The following ZHX3 variants were observed in gnomAD, a reference collection of about 807,000 sequenced individuals.
ZHX3 encodes the protein zinc fingers and homeoboxes 3.
A neutral mutation model predicts 64.5 loss-of-function variants in ZHX3; 20 were observed. The observed-to-expected ratio is 0.31, with a 90% CI of 0.22 to 0.45. The LOEUF (loss-of-function observed/expected upper bound fraction) is 0.45, where lower values mean the gene tolerates loss of function less well. Among genes scored for constraint, ZHX3 ranks in the 20% least tolerant of loss-of-function variants. The probability of loss-of-function intolerance (pLI) is 1.00; values close to 1 mark genes in which losing one functional copy is unlikely to be tolerated. For synonymous variants in ZHX3, 423 were observed against 461.6 expected (o/e 0.92, Z 1.07); for missense variants, 1,041 against 1,195.8 (o/e 0.87, Z 1.91).
intron 3 of ZHX3, among the ~76,000 whole-genome samples, chr20:41,192,634 C>A (rs1174946721): frequency 6.6e-6 from 1 of 152,212 alleles, no homozygotes; most frequent in African/African-American, 2.4e-5. Flanking sequence ...CTGCAGTAAC[C>A]CAGTCACTTA....
Position 41,185,056 on chromosome 20 carries a change from G to T in ZHX3, c.*135C>A. 5 of 1,552,946 alleles carry T rather than the reference G, an allele frequency of 3.2e-6. No individual in the cohort carries two copies. The highest frequency in any genetic ancestry group is 4.4e-6 in the Non-Finnish European group (5 of 1,147,500). ...CGGCAGGCTCTGGGCTGTCTGCGAG[G>T]ATTCTGGAAGCTCTCCCAGGTGCCC... On this transcript the variant is annotated 3_prime_UTR_variant, in exon 4 of 4. Coordinates refer to ENST00000683867, the MANE Select transcript of ZHX3 (RefSeq NM_001384317.1). The surrounding 1 kb of genome is among the most constrained non-coding windows in gnomAD (Gnocchi z 5.0).
Position 41,204,860 on chromosome 20 carries a change from C to T in ZHX3, c.57G>A (p.Val19=). Residue 19 remains valine (V), a synonymous_variant, in exon 3 of 4, where the codon GTG becomes GTA. Coordinates refer to ENST00000683867, the MANE Select transcript of ZHX3 (RefSeq NM_001384317.1). The surrounding 1 kb of genome is among the most constrained non-coding windows in gnomAD (Gnocchi z 6.6). ...GGGCCTCCATGCTGGCATCTTGCAA[C>T]ACCACAGTCTTCACTGGGATCATGC... ...TPCMIPVKTV[V]LQDASMEAQP... is the part of the protein sequence containing the mutation. The T allele has an allele frequency of 6.3e-7, 1 of 1,583,206 alleles. No homozygotes were observed. The highest frequency in any genetic ancestry group is 8.6e-7 in the Non-Finnish European group (1 of 1,164,718).
chr20:41,256,641 G>A (rs368587775), intron 2 of ZHX3, among the ~76,000 whole-genome samples: 3 of 148,748 alleles, frequency 2.0e-5, no homozygotes, highest in Admixed American at 1.4e-4. Flanking sequence ...TGTGTATCTA[G>A]CATGCCCAGC....
chr20:41,183,356 A>G lies in ZHX3; in HGVS notation c.*1835T>C, dbSNP rs2036312010. The G allele has an allele frequency of 6.6e-6, 1 of 152,202 alleles. No individual in the cohort carries two copies. The highest frequency in any genetic ancestry group is 1.5e-5 in the Non-Finnish European group (1 of 68,050). The allele number at this position is 152,202 out of a possible 1,614,324, so 9.4% of individuals were successfully genotyped here. ...TAAGAATACAAAAATAGGCTGCAAA[A>G]CTTGCCAAGTACTCACAAGTCCCTG... On this transcript the variant is annotated 3_prime_UTR_variant, in exon 4 of 4. Transcript: ENST00000683867. This position sits in a 1 kb window ranked among gnomAD's most constrained non-coding sequence, Gnocchi z 5.3.
Position 41,246,913 on chromosome 20 carries a change from A to C in ZHX3, c.-151+22077T>G, listed in dbSNP as rs531124506. On this transcript the variant is annotated intron_variant, in intron 2 of 3. Transcript: ENST00000683867. Reference sequence around the variant, plus strand: ...ACAAACAAACAAACAAACAAAAAAAACTAATATCTAAATATTAGCAGTACT... The same window carrying C: ...ACAAACAAACAAACAAACAAAAAAACCTAATATCTAAATATTAGCAGTACT... Among the ~76,000 whole-genome samples, 8 of 151,900 alleles carry C rather than the reference A, an allele frequency of 5.3e-5. No homozygotes were observed. In the East Asian group the frequency reaches 9.7e-4, roughly 18 times the overall value.
chr20:41,258,083 A>G (rs2042362394), intron 2 of ZHX3, among the ~76,000 whole-genome samples: 1 of 151,408 alleles, frequency 6.6e-6, no homozygotes, highest in African/African-American at 2.4e-5. Context: ...TATTTTTAGT[A>G]GAGATGAGGT....
chr20:41,240,690 T>C (rs1305428809), intron 2 of ZHX3, among the ~76,000 whole-genome samples: 1 of 152,156 alleles, frequency 6.6e-6, no homozygotes, highest in African/African-American at 2.4e-5. Context: ...CTGGTAACCA[T>C]CCTTCTACTC....
intron 1 of ZHX3, among the ~76,000 whole-genome samples, chr20:41,270,941 G>A (rs1260537319): frequency 1.3e-5 from 2 of 152,122 alleles, no homozygotes; most frequent in African/African-American, 4.8e-5. Context: ...CCTTTGGGAG[G>A]CTGAGAAAAA....
chr20:41,271,010 T>C (rs2043118730), intron 1 of ZHX3, among the ~76,000 whole-genome samples: 1 of 152,190 alleles, frequency 6.6e-6, no homozygotes, highest in Non-Finnish European at 1.5e-5. Flanking sequence ...GACCACAGTC[T>C]CTACAAAAGT....
chr20:41,231,806 G>A (rs1318427168), intron 2 of ZHX3, among the ~76,000 whole-genome samples: 1 of 152,208 alleles, frequency 6.6e-6, no homozygotes, highest in Non-Finnish European at 1.5e-5. Context: ...AAACAAGGGT[G>A]TAAAATTCTA....
At chr20:41,245,967 C>T (rs952703562) in intron 2 of ZHX3, among the ~76,000 whole-genome samples, 6 of 152,226 alleles carry the variant, frequency 3.9e-5, no homozygotes, top group African/African-American at 1.4e-4. Flanking sequence ...ATGCTGGAAC[C>T]TCAAGTCTCC....
chr20:41,244,687 C>T (rs2041585816), intron 2 of ZHX3, among the ~76,000 whole-genome samples: 1 of 152,126 alleles, frequency 6.6e-6, no homozygotes, highest in South Asian at 2.1e-4. Flanking sequence ...TTTCTCCTTT[C>T]AGTAAATCAA....
At chr20:41,246,884 CCAAA>C (rs112966677) in intron 2 of ZHX3, among the ~76,000 whole-genome samples, 64,513 of 144,658 alleles carry the variant, frequency 0.45, 15,889 homozygotes, top group African/African-American at 0.7. Flanking sequence ...AAAAAAAAAA[CCAAA>C]CAAACAAACA....
intron 2 of ZHX3, among the ~76,000 whole-genome samples, chr20:41,245,540 G>A (rs1342070788): frequency 6.6e-6 from 1 of 152,184 alleles, no homozygotes; most frequent in Non-Finnish European, 1.5e-5. Context: ...AAGGACCCAT[G>A]GAAGCCCAGC....
chr20:41,244,934 G>A (rs2041601685), intron 2 of ZHX3, among the ~76,000 whole-genome samples: 1 of 152,190 alleles, frequency 6.6e-6, no homozygotes, highest in Non-Finnish European at 1.5e-5. Context: ...TTACTTCAGG[G>A]AGGGAGGAAG....
chr20:41,263,314 C>T (rs947183877), intron 2 of ZHX3, among the ~76,000 whole-genome samples: 1 of 151,904 alleles, frequency 6.6e-6, no homozygotes, highest in Non-Finnish European at 1.5e-5. Context: ...AGCAGTATTG[C>T]TTTCTGTGCT....
chr20:41,250,938 G>C (rs1360289150), intron 2 of ZHX3, among the ~76,000 whole-genome samples: 1 of 152,116 alleles, frequency 6.6e-6, no homozygotes, highest in Non-Finnish European at 1.5e-5. Flanking sequence ...TTTGAGGTTA[G>C]GAGTTTGAGA....
intron 1 of ZHX3, among the ~76,000 whole-genome samples, chr20:41,311,110 T>C (rs1483396626): frequency 1.3e-5 from 2 of 152,284 alleles, no homozygotes; most frequent in African/African-American, 4.8e-5. Flanking sequence ...GCCCGGCCAA[T>C]TCTCTGATAA....
chr20:41,309,793 C>T (rs1206629071), intron 1 of ZHX3, among the ~76,000 whole-genome samples: 2 of 152,212 alleles, frequency 1.3e-5, no homozygotes, highest in Non-Finnish European at 2.9e-5. Flanking sequence ...CTTCTGATGG[C>T]TTCTCTGACC....
Sources: gnomAD v4.1 joint callset for allele counts (sites outside exome capture counted in the v4.1 genomes callset) on GRCh38, gnomAD v4.1.1 for gene constraint, Gnocchi (gnomAD v3.1) non-coding constraint, MANE v1.5 for transcripts, NCBI Gene and HGNC (gene_info 2026-07-23, HGNC 2026-07-21) for gene names.